SOX5: variants seen among roughly 807,000 people sequenced by gnomAD.
SOX5 encodes the protein transcription factor SOX-5.
In SOX5, 9 loss-of-function variants were observed where a neutral mutation model predicts 92.0. The observed-to-expected ratio is 0.10, with a 90% CI of 0.06 to 0.17. SOX5 has a LOEUF of 0.17. Among genes scored for constraint, SOX5 ranks in the 10% least tolerant of loss-of-function variants. The pLI is 1.00. For synonymous variants in SOX5, 344 were observed against 336.3 expected (o/e 1.02, Z -0.25); for missense variants, 642 against 944.5 (o/e 0.68, Z 4.20).
intron 1 of SOX5, among the ~76,000 whole-genome samples, chr12:24,370,072 G>T (rs949088831): frequency 6.6e-6 from 1 of 152,158 alleles, no homozygotes. Flanking sequence ...TAAAGTGAAT[G>T]GTAGTAACAT....
intron 1 of SOX5, among the ~76,000 whole-genome samples, chr12:24,379,184 T>C (rs1407593990): frequency 6.6e-6 from 1 of 152,194 alleles, no homozygotes; most frequent in Non-Finnish European, 1.5e-5. Flanking sequence ...ACTCTCTTAA[T>C]GAGAGCCCCC....
chr12:23,999,986 T>A (rs560679007), intron 4 of SOX5, among the ~76,000 whole-genome samples: 1 of 151,966 alleles, frequency 6.6e-6, no homozygotes, highest in South Asian at 2.1e-4. Flanking sequence ...TTTTCTAATA[T>A]CATCTCTTAA....
At chr12:23,855,102 T>C (rs576774543) in intron 2 of SOX5, among the ~76,000 whole-genome samples, 5 of 151,740 alleles carry the variant, frequency 3.3e-5, no homozygotes, top group South Asian at 4.2e-4. Context: ...AGAAAAAACA[T>C]ATTAGGAGGA....
intron 4 of SOX5, among the ~76,000 whole-genome samples, chr12:24,084,900 CAAT>C (rs1943784600): frequency 6.6e-6 from 1 of 152,064 alleles, no homozygotes; most frequent in South Asian, 2.1e-4. Context: ...TATATAATAA[CAAT>C]GATGCTAACA....
intron 2 of SOX5, among the ~76,000 whole-genome samples, chr12:23,887,600 G>A (rs1248005175): frequency 6.6e-6 from 1 of 152,080 alleles, no homozygotes; most frequent in Non-Finnish European, 1.5e-5. Flanking sequence ...CAGTATCCCA[G>A]CCAAGTATTT....
intron 2 of SOX5, among the ~76,000 whole-genome samples, chr12:23,860,457 A>G (rs1485383617): frequency 6.6e-6 from 1 of 152,208 alleles, no homozygotes; most frequent in Non-Finnish European, 1.5e-5. Flanking sequence ...TGATTATGGT[A>G]TTGACAAAAA....
chr12:24,027,128 A>T (rs1954974069), intron 4 of SOX5, among the ~76,000 whole-genome samples: 2 of 151,986 alleles, frequency 1.3e-5, no homozygotes, highest in African/African-American at 2.4e-5. Context: ...CAACTACAAA[A>T]TACTCCTACT....
At chr12:24,090,235 G>C (rs1221338235) in intron 4 of SOX5, among the ~76,000 whole-genome samples, 1 of 151,980 alleles carries the variant, frequency 6.6e-6, no homozygotes, top group Non-Finnish European at 1.5e-5. Context: ...CAAATCTATA[G>C]TTTACAAGTG....
intron 1 of SOX5, among the ~76,000 whole-genome samples, chr12:24,420,989 T>C (rs985790817): frequency 2.0e-5 from 3 of 149,022 alleles, no homozygotes; most frequent in Admixed American, 6.8e-5. Context: ...CTTTAGCAGA[T>C]AAGTTGTAAG....
At chr12:23,681,301 T>C (rs1182977050) in intron 6 of SOX5, among the ~76,000 whole-genome samples, 1 of 150,862 alleles carries the variant, frequency 6.6e-6, no homozygotes, top group East Asian at 1.9e-4. Context: ...AACTGATAAA[T>C]AGAAAATATA....
chr12:23,821,975 C>A (rs1207412205), intron 3 of SOX5, among the ~76,000 whole-genome samples: 1 of 151,830 alleles, frequency 6.6e-6, no homozygotes, highest in Admixed American at 6.6e-5. Context: ...GTGGTGATAT[C>A]CCCTTTATCA....
At chr12:23,662,806 A>G (rs1490788119) in intron 7 of SOX5, among the ~76,000 whole-genome samples, 1 of 152,206 alleles carries the variant, frequency 6.6e-6, no homozygotes, top group Non-Finnish European at 1.5e-5. Context: ...AACGTTTATC[A>G]TCAGTATGTT....
At chr12:23,799,399 T>G (rs1224927077) in intron 3 of SOX5, among the ~76,000 whole-genome samples, 1 of 152,072 alleles carries the variant, frequency 6.6e-6, no homozygotes, top group Non-Finnish European at 1.5e-5. Context: ...ACTATATCCT[T>G]TCTCCCTAAC....
chr12:23,599,520 C>T (rs574430105), intron 9 of SOX5, among the ~76,000 whole-genome samples: 1 of 152,326 alleles, frequency 6.6e-6, no homozygotes, highest in East Asian at 1.9e-4. Context: ...CCCAGGAATT[C>T]TCTCTTGTCA....
intron 2 of SOX5, among the ~76,000 whole-genome samples, chr12:24,315,028 A>C (rs1457274430): frequency 6.6e-6 from 1 of 152,240 alleles, no homozygotes; most frequent in African/African-American, 2.4e-5. Flanking sequence ...TAATGGATTA[A>C]TTAATGAGTT....
intron 2 of SOX5, among the ~76,000 whole-genome samples, chr12:24,326,886 C>A (rs1262562084): frequency 6.6e-6 from 1 of 151,790 alleles, no homozygotes; most frequent in Non-Finnish European, 1.5e-5. Context: ...CCACTCTCTG[C>A]CTTTTTTACT....
intron 4 of SOX5, among the ~76,000 whole-genome samples, chr12:24,150,337 G>C (rs1227009240): frequency 1.3e-5 from 2 of 152,122 alleles, no homozygotes; most frequent in African/African-American, 2.4e-5. Flanking sequence ...AGTCTTACAA[G>C]GATGTAGACT....
At chr12:23,958,746 A>T (rs865777833) in intron 4 of SOX5, among the ~76,000 whole-genome samples, 13 of 151,740 alleles carry the variant, frequency 8.6e-5, no homozygotes, top group Middle Eastern at 3.4e-3. Context: ...AAAAGATATC[A>T]AACTGAGATG....
intron 3 of SOX5, among the ~76,000 whole-genome samples, chr12:23,836,295 T>C (rs1014684832): frequency 5.9e-5 from 9 of 151,886 alleles, no homozygotes; most frequent in East Asian, 1.9e-4. Context: ...AAACCATGAA[T>C]AGACCATGCA....
Sources: allele counts gnomAD v4.1 joint callset (sites outside exome capture counted in the v4.1 genomes callset), GRCh38; gene constraint gnomAD v4.1.1; transcripts MANE v1.5; gene names NCBI Gene and HGNC (gene_info 2026-07-23, HGNC 2026-07-21).